GPC6: variants seen among roughly 807,000 people sequenced by gnomAD.
GPC6 encodes glypican 6, also known as glypican-6.
GPC6 carries 14 observed loss-of-function variants against 55.2 expected under a neutral mutation model. That is an observed-to-expected ratio of 0.25 (90% CI 0.17 to 0.40). The LOEUF is 0.40. Ranked by LOEUF, GPC6 falls within the 10% of genes least tolerant of loss-of-function variation. The probability of loss-of-function intolerance (pLI) is 1.00; values close to 1 mark genes in which losing one functional copy is unlikely to be tolerated. For synonymous variants in GPC6, 278 were observed against 259.6 expected, an observed-to-expected ratio of 1.07 and a Z score of -0.68; for missense variants, 641 against 708.5, an observed-to-expected ratio of 0.90 and a Z score of 1.08.
intron 7 of GPC6, among the ~76,000 whole-genome samples, chr13:94,386,834 A>T (rs1165887817): frequency 6.6e-6 from 1 of 152,020 alleles, no homozygotes; most frequent in Non-Finnish European, 1.5e-5. Flanking sequence ...CTTTTGTCCT[A>T]TCTAAGTGTT....
intron 2 of GPC6, among the ~76,000 whole-genome samples, chr13:93,706,617 C>T (rs986120396): frequency 5.3e-5 from 8 of 151,766 alleles, no homozygotes; most frequent in African/African-American, 1.9e-4. Context: ...TAGTCATCTG[C>T]AAGTGTCATG....
chr13:93,654,018 G>T (rs1880543918), intron 2 of GPC6, among the ~76,000 whole-genome samples: 1 of 152,042 alleles, frequency 6.6e-6, no homozygotes, highest in African/African-American at 2.4e-5. Context: ...CATTACCATT[G>T]CAAAACTTGA....
chr13:94,370,872 AAG>A (rs1879511153), intron 6 of GPC6, among the ~76,000 whole-genome samples: 1 of 152,230 alleles, frequency 6.6e-6, no homozygotes, highest in Admixed American at 6.5e-5. Flanking sequence ...AGATGAGAAA[AAG>A]ATATTCTTTT....
chr13:93,642,822 C>T (rs769640616), intron 2 of GPC6, among the ~76,000 whole-genome samples: 5 of 152,086 alleles, frequency 3.3e-5, no homozygotes, highest in African/African-American at 7.2e-5. Context: ...CAGTATTCTA[C>T]GGCTTCTCTA....
At chr13:94,158,101 A>C (rs1029230047) in intron 4 of GPC6, among the ~76,000 whole-genome samples, 3 of 152,276 alleles carry the variant, frequency 2.0e-5, no homozygotes, top group South Asian at 2.1e-4. Flanking sequence ...CAGTAAGCCC[A>C]ATTTCCTGCC....
intron 2 of GPC6, among the ~76,000 whole-genome samples, chr13:93,638,195 T>C (rs1879774397): frequency 1.3e-5 from 2 of 152,078 alleles, no homozygotes; most frequent in Admixed American, 1.3e-4. Flanking sequence ...ACTGTTGTCA[T>C]CAAGTAGATC....
At position 93,985,689 on chromosome 13, in the gene GPC6, CAAAAAAAAAA is replaced by C. The variant is rs34003218; in HGVS notation, c.712-42025_712-42016del. Among the ~76,000 whole-genome samples, 294 of 69,424 alleles carry C rather than the reference CAAAAAAAAAA, an allele frequency of 4.2e-3. 3 individuals carry two copies. The Middle Eastern group carries it at 0.088, about 21-fold the overall frequency. The allele number at this position is 69,424 out of a possible 152,430, so 45.5% of individuals were successfully genotyped here. ...CCTAGGTGACAAAGCAAGACCTGGC[CAAAAAAAAAA>C]AAAAAAAAAAAAAATTAAAAAACGG... On this transcript the variant is annotated intron_variant, in intron 3 of 8. Coordinates refer to ENST00000377047, the MANE Select transcript of GPC6 (RefSeq NM_005708.5).
At chr13:94,396,270 A>G (rs1880893442) in intron 7 of GPC6, among the ~76,000 whole-genome samples, 1 of 152,188 alleles carries the variant, frequency 6.6e-6, no homozygotes. Context: ...TTACCAGGAC[A>G]CAGACAAATA....
chr13:94,273,613 G>A (rs1311217826), intron 4 of GPC6, among the ~76,000 whole-genome samples: 1 of 152,226 alleles, frequency 6.6e-6, no homozygotes, highest in East Asian at 1.9e-4. Context: ...TACAGGGTAA[G>A]CATGTTGATG....
At chr13:93,802,318 T>C (rs1256585810) in intron 2 of GPC6, among the ~76,000 whole-genome samples, 1 of 152,142 alleles carries the variant, frequency 6.6e-6, no homozygotes, top group East Asian at 1.9e-4. Flanking sequence ...TACTCAACTG[T>C]TATTTTTGCT....
At chr13:93,529,662 G>C (rs1376821873) in intron 1 of GPC6, among the ~76,000 whole-genome samples, 1 of 151,530 alleles carries the variant, frequency 6.6e-6, no homozygotes, top group African/African-American at 2.4e-5. Context: ...GATTACAGGT[G>C]CCCGCCACCA....
intron 4 of GPC6, among the ~76,000 whole-genome samples, chr13:94,165,604 T>C (rs1888343051): frequency 6.6e-6 from 1 of 152,058 alleles, no homozygotes; most frequent in Non-Finnish European, 1.5e-5. Context: ...AACTTACTCA[T>C]ATAACCAAAT....
intron 7 of GPC6, among the ~76,000 whole-genome samples, chr13:94,386,389 A>C (rs1004669856): frequency 2.6e-5 from 4 of 151,704 alleles, no homozygotes; most frequent in Non-Finnish European, 5.9e-5. Context: ...AAAAGAAAGA[A>C]AGACTAGCCT....
At chr13:93,495,714 C>T (rs979177342) in intron 1 of GPC6, among the ~76,000 whole-genome samples, 5 of 126,758 alleles carry the variant, frequency 3.9e-5, no homozygotes, top group African/African-American at 1.2e-4. Context: ...TGTGGATGTC[C>T]TTTCTGTTTG....
chr13:93,628,834 C>T (rs906417646), intron 2 of GPC6, among the ~76,000 whole-genome samples: 4 of 151,954 alleles, frequency 2.6e-5, no homozygotes, highest in African/African-American at 9.7e-5. Flanking sequence ...ATATCCAAAG[C>T]AGTTTTTACT....
chr13:93,895,925 G>C (rs79847922), intron 3 of GPC6, among the ~76,000 whole-genome samples: 1 of 151,992 alleles, frequency 6.6e-6, no homozygotes, highest in East Asian at 1.9e-4. Context: ...TGGTTTAAGG[G>C]TACAAAAGTC....
intron 2 of GPC6, among the ~76,000 whole-genome samples, chr13:93,555,229 T>G (rs1875393648): frequency 6.6e-6 from 1 of 152,218 alleles, no homozygotes; most frequent in African/African-American, 2.4e-5. Context: ...AGTTGACATT[T>G]TATCATTTTC....
intron 2 of GPC6, among the ~76,000 whole-genome samples, chr13:93,765,050 C>T (rs1184806757): frequency 6.6e-6 from 1 of 152,162 alleles, no homozygotes; most frequent in Non-Finnish European, 1.5e-5. Flanking sequence ...CCACCCTCCT[C>T]AGCCTCCCAA....
intron 1 of GPC6, among the ~76,000 whole-genome samples, chr13:93,511,034 G>T (rs1164249623): frequency 2.8e-5 from 1 of 35,842 alleles, no homozygotes; most frequent in Non-Finnish European, 1.1e-4. Context: ...TTTTTAATGA[G>T]ATTATTTGTT....
Sources: gnomAD v4.1 joint callset for allele counts (sites outside exome capture counted in the v4.1 genomes callset) on GRCh38, gnomAD v4.1.1 for gene constraint, MANE v1.5 for transcripts, NCBI Gene and HGNC (gene_info 2026-07-23, HGNC 2026-07-21) for gene names.